The following LRFN5 variants were observed in gnomAD, a reference collection of about 807,000 sequenced individuals.
LRFN5 encodes the protein leucine rich repeat and fibronectin type III domain containing 5.
A neutral mutation model predicts 45.6 loss-of-function variants in LRFN5; 24 were observed. That is an observed-to-expected ratio of 0.53 (90% CI 0.38 to 0.74). The LOEUF (loss-of-function observed/expected upper bound fraction) is 0.74, where lower values mean the gene tolerates loss of function less well. Among genes scored for constraint, LRFN5 ranks in the 30% least tolerant of loss-of-function variants. The pLI is 0.00. For missense variants in LRFN5, 776 were observed against 861.5 expected, an observed-to-expected ratio of 0.90 and a Z score of 1.24; for synonymous variants, 340 against 313.8, an observed-to-expected ratio of 1.08 and a Z score of -0.88.
intron 1 of LRFN5, among the ~76,000 whole-genome samples, chr14:41,705,960 C>G (rs191243465): frequency 5.6e-4 from 85 of 152,326 alleles, no homozygotes; most frequent in African/African-American, 2.0e-3. Context: ...AACTTGACTA[C>G]TGTGCCTCCA....
intron 1 of LRFN5, among the ~76,000 whole-genome samples, chr14:41,644,160 GT>G (rs1879707075): frequency 6.6e-6 from 1 of 152,282 alleles, no homozygotes; most frequent in Admixed American, 6.5e-5. Context: ...GGGTTTTAAA[GT>G]TAATAGATGC....
intron 2 of LRFN5, among the ~76,000 whole-genome samples, chr14:41,840,358 T>C (rs532403660): frequency 5.9e-5 from 9 of 152,068 alleles, no homozygotes; most frequent in Non-Finnish European, 1.3e-4. Context: ...TTAATATAAA[T>C]ACTATTAGTG....
chr14:41,738,174 G>C (rs1271908297), intron 1 of LRFN5, among the ~76,000 whole-genome samples: 1 of 152,032 alleles, frequency 6.6e-6, no homozygotes, highest in African/African-American at 2.4e-5. Context: ...CAAAACAGAA[G>C]CCTCGGAAAT....
chr14:41,646,807 A>G (rs537938342), intron 1 of LRFN5, among the ~76,000 whole-genome samples: 2 of 152,284 alleles, frequency 1.3e-5, no homozygotes, highest in East Asian at 1.9e-4. Flanking sequence ...GGGCCTCCAG[A>G]CAATTTCCAG....
intron 2 of LRFN5, among the ~76,000 whole-genome samples, chr14:41,783,866 C>G (rs1361459037): frequency 1.3e-5 from 2 of 152,146 alleles, no homozygotes; most frequent in East Asian, 3.9e-4. Flanking sequence ...GAGGTTCTTA[C>G]TTTTAATGTA....
intron 3 of LRFN5, among the ~76,000 whole-genome samples, chr14:41,889,334 C>T (rs1890700833): frequency 6.6e-6 from 1 of 151,786 alleles, no homozygotes; most frequent in Non-Finnish European, 1.5e-5. Context: ...TTCAATTCCT[C>T]GTCATTACAA....
intron 2 of LRFN5, among the ~76,000 whole-genome samples, chr14:41,865,925 G>T (rs540876592): frequency 6.6e-6 from 1 of 152,190 alleles, no homozygotes; most frequent in South Asian, 2.1e-4. Flanking sequence ...TTATTAAGTT[G>T]TAAAAGTCAT....
chr14:41,714,514 G>A lies in LRFN5; in HGVS notation c.-196-52340G>A, dbSNP rs188845265. 1.1e-3 allele frequency among the ~76,000 whole-genome samples: 168 copies of A among 152,190 alleles called. 1 individual carries two copies. The highest frequency in any genetic ancestry group is 3.8e-3 in the African/African-American group (158 of 41,524). On this transcript the variant is annotated intron_variant, in intron 1 of 5. Coordinates refer to ENST00000298119, the MANE Select transcript of LRFN5 (RefSeq NM_152447.5). ...CCCTTTGCTGTAGTGAACTGGTAAG[G>A]TTTTATTTACTATAATCAGAACTAA...
At chr14:41,813,358 C>G (rs1342849904) in intron 2 of LRFN5, among the ~76,000 whole-genome samples, 1 of 152,050 alleles carries the variant, frequency 6.6e-6, no homozygotes, top group Non-Finnish European at 1.5e-5. Flanking sequence ...CCCCCAACCC[C>G]CTGTGGCCCT....
intron 1 of LRFN5, among the ~76,000 whole-genome samples, chr14:41,752,041 T>A (rs1431908125): frequency 6.6e-6 from 1 of 152,180 alleles, no homozygotes; most frequent in African/African-American, 2.4e-5. Context: ...TGCGACAGTT[T>A]GCTGAAAATG....
At chr14:41,892,034 G>T in intron 4 of LRFN5, 72 bp downstream of exon 4, 1 of 1,546,724 alleles carries the variant, frequency 6.5e-7, no homozygotes, top group Non-Finnish European at 8.7e-7. Context: ...AGAATTAAAG[G>T]AATACTATTG....
At chr14:41,839,325 A>T (rs183784854) in intron 2 of LRFN5, among the ~76,000 whole-genome samples, 3,028 of 137,166 alleles carry the variant, frequency 0.022, 34 homozygotes, top group African/African-American at 0.034. Context: ...GATTTTTTTT[A>T]AAAAAAGAAG....
chr14:41,864,033 C>A (rs1330634542), intron 2 of LRFN5, among the ~76,000 whole-genome samples: 5 of 152,158 alleles, frequency 3.3e-5, no homozygotes, highest in Non-Finnish European at 5.9e-5. Flanking sequence ...TCATAGTATT[C>A]CATGGTATAT....
chr14:41,837,433 C>G (rs1566474790), intron 2 of LRFN5, among the ~76,000 whole-genome samples: 1 of 152,126 alleles, frequency 6.6e-6, no homozygotes, highest in African/African-American at 2.4e-5. Context: ...TCTCCTTACT[C>G]TGTCCTGAGA....
intron 2 of LRFN5, among the ~76,000 whole-genome samples, chr14:41,804,081 C>T (rs1445505966): frequency 6.6e-6 from 1 of 152,064 alleles, no homozygotes; most frequent in African/African-American, 2.4e-5. Flanking sequence ...CTAGGCTGCT[C>T]TCGAACTCCT....
At chr14:41,872,643 T>A (rs1890056196) in intron 2 of LRFN5, among the ~76,000 whole-genome samples, 2 of 152,208 alleles carry the variant, frequency 1.3e-5, no homozygotes, top group South Asian at 4.1e-4. Flanking sequence ...AACTGTAATT[T>A]GAAAGAAGGC....
At chr14:41,863,829 C>T (rs1889749989) in intron 2 of LRFN5, among the ~76,000 whole-genome samples, 1 of 151,560 alleles carries the variant, frequency 6.6e-6, no homozygotes, top group African/African-American at 2.4e-5. Flanking sequence ...GCCATCCCTC[C>T]CCTAGCCCCC....
intron 1 of LRFN5, among the ~76,000 whole-genome samples, chr14:41,753,791 T>A (rs548651677): frequency 2.0e-5 from 3 of 152,166 alleles, no homozygotes; most frequent in African/African-American, 7.2e-5. Flanking sequence ...TGGCCAGGAC[T>A]TCCAACACTA....
intron 2 of LRFN5, among the ~76,000 whole-genome samples, chr14:41,799,811 GT>G (rs1372414331): frequency 1.3e-5 from 2 of 151,746 alleles, no homozygotes; most frequent in Non-Finnish European, 2.9e-5. Flanking sequence ...TGCCATTGTT[GT>G]TTCATCACTT....
Sources: allele counts gnomAD v4.1 joint callset (sites outside exome capture counted in the v4.1 genomes callset), GRCh38; gene constraint gnomAD v4.1.1; transcripts MANE v1.5; gene names NCBI Gene and HGNC (gene_info 2026-07-23, HGNC 2026-07-21).